EXOC6B: variants seen among roughly 807,000 people sequenced by gnomAD.
The protein encoded by EXOC6B is exocyst complex component 6B, also known as SEC15 homolog B.
EXOC6B carries 54 observed loss-of-function variants against 113.5 expected under a neutral mutation model. That is an observed-to-expected ratio of 0.48 (90% CI 0.38 to 0.60). The LOEUF (loss-of-function observed/expected upper bound fraction) is 0.60. Ranked by LOEUF, EXOC6B falls within the 20% of genes least tolerant of loss-of-function variation. The pLI is 0.00. For synonymous variants in EXOC6B, 357 were observed against 339.0 expected (o/e 1.05, Z -0.58); for missense variants, 797 against 977.5 (o/e 0.82, Z 2.46).
intron 16 of EXOC6B, among the ~76,000 whole-genome samples, chr2:72,484,801 T>C (rs1254529196): frequency 6.6e-6 from 1 of 152,180 alleles, no homozygotes; most frequent in Non-Finnish European, 1.5e-5. Flanking sequence ...TATGGCTGCA[T>C]AGTATTCCAT....
At chr2:72,202,387 T>C (rs1019942995) in intron 20 of EXOC6B, among the ~76,000 whole-genome samples, 2 of 152,236 alleles carry the variant, frequency 1.3e-5, no homozygotes, top group Non-Finnish European at 2.9e-5. Flanking sequence ...TGACTTTTGC[T>C]TCAATGTAAT....
intron 6 of EXOC6B, among the ~76,000 whole-genome samples, chr2:72,657,114 G>T (rs542673964): frequency 6.6e-6 from 1 of 152,022 alleles, no homozygotes; most frequent in East Asian, 1.9e-4. Context: ...GCCTCCCAAA[G>T]TGCTGGGATT....
At chr2:72,317,615 A>G (rs1421575986) in intron 20 of EXOC6B, among the ~76,000 whole-genome samples, 1 of 151,654 alleles carries the variant, frequency 6.6e-6, no homozygotes, top group Admixed American at 6.6e-5. Context: ...TTGACAAATG[A>G]TAAGAATGAT....
chr2:72,300,579 A>C (rs1686449187), intron 20 of EXOC6B, among the ~76,000 whole-genome samples: 1 of 152,106 alleles, frequency 6.6e-6, no homozygotes, highest in Admixed American at 6.5e-5. Context: ...TGGAAAAAAA[A>C]CTTCTGCAGC....
chr2:72,817,683 C>T (rs1314707769), intron 1 of EXOC6B, among the ~76,000 whole-genome samples: 2 of 152,180 alleles, frequency 1.3e-5, no homozygotes, highest in Non-Finnish European at 1.5e-5. Flanking sequence ...CTTTATTGTT[C>T]CCTATCCCAA....
chr2:72,502,604 CA>C (rs1700384536), intron 11 of EXOC6B, among the ~76,000 whole-genome samples: 1 of 152,118 alleles, frequency 6.6e-6, no homozygotes, highest in Non-Finnish European at 1.5e-5. Context: ...TGAATCCTCA[CA>C]TATTTAAAAA....
chr2:72,764,396 G>T (rs1209160986), intron 1 of EXOC6B, among the ~76,000 whole-genome samples: 4 of 103,704 alleles, frequency 3.9e-5, no homozygotes, highest in Admixed American at 2.9e-4. Context: ...TTTTGAGACA[G>T]AGTCTCACTC....
chr2:72,779,165 C>T (rs969803568), intron 1 of EXOC6B, among the ~76,000 whole-genome samples: 1 of 152,128 alleles, frequency 6.6e-6, no homozygotes, highest in African/African-American at 2.4e-5. Flanking sequence ...TATAAAGAAA[C>T]TGAATCACAG....
Position 72,653,348 on chromosome 2 carries a change from T to C in EXOC6B, c.669+64755A>G, listed in dbSNP as rs373049313. ...GCATATTCTCACTCATAGGTGGGAATTGAACAATGAGAACACATGGACACA... is the reference window on the plus strand; with the variant it reads ...GCATATTCTCACTCATAGGTGGGAACTGAACAATGAGAACACATGGACACA... On this transcript the variant is annotated intron_variant, in intron 6 of 21. Transcript: ENST00000272427. Among the ~76,000 whole-genome samples the C allele has an allele frequency of 1.2e-4, 16 of 131,198 alleles. No homozygotes were observed. In the East Asian group the frequency reaches 2.5e-3, roughly 21 times the overall value. 86.1% of individuals were successfully genotyped at this position (131,198 alleles called of 152,430 possible).
chr2:72,446,632 T>C (rs915121595), intron 18 of EXOC6B, among the ~76,000 whole-genome samples: 9 of 149,796 alleles, frequency 6.0e-5, no homozygotes, highest in African/African-American at 2.2e-4. Context: ...GTGGGGAGAG[T>C]GGGAAGAAGG....
intron 1 of EXOC6B, among the ~76,000 whole-genome samples, chr2:72,775,090 C>T (rs1236948228): frequency 1.3e-5 from 2 of 152,114 alleles, no homozygotes; most frequent in Non-Finnish European, 2.9e-5. Context: ...AGACATGCCA[C>T]CTTCCCAGCA....
chr2:72,731,786 T>G (rs1205588039), intron 3 of EXOC6B, among the ~76,000 whole-genome samples: 5 of 152,214 alleles, frequency 3.3e-5, no homozygotes, highest in Non-Finnish European at 7.3e-5. Flanking sequence ...ATTATCTGCT[T>G]AGATACCATG....
At chr2:72,379,603 T>G (rs1246359668) in intron 19 of EXOC6B, 126 bp downstream of exon 19, 2 of 864,680 alleles carry the variant, frequency 2.3e-6, no homozygotes, top group African/African-American at 3.4e-5. Context: ...ATAAGTTATC[T>G]CTGTTATCTA....
chr2:72,216,894 C>T (rs1002126381), intron 20 of EXOC6B, among the ~76,000 whole-genome samples: 5 of 151,814 alleles, frequency 3.3e-5, no homozygotes, highest in African/African-American at 7.3e-5. Context: ...CACACCGGGG[C>T]CTGTTGGGGC....
intron 20 of EXOC6B, among the ~76,000 whole-genome samples, chr2:72,313,906 T>C (rs1687355208): frequency 6.6e-6 from 1 of 152,162 alleles, no homozygotes; most frequent in African/African-American, 2.4e-5. Flanking sequence ...ATGTGCTACT[T>C]GAGAACAGTG....
chr2:72,403,536 A>G (rs1466541619), intron 18 of EXOC6B, among the ~76,000 whole-genome samples: 1 of 152,024 alleles, frequency 6.6e-6, no homozygotes, highest in Non-Finnish European at 1.5e-5. Flanking sequence ...AAATAAAAAT[A>G]AAAAATAAAA....
At chr2:72,796,121 C>G (rs1372089629) in intron 1 of EXOC6B, among the ~76,000 whole-genome samples, 1 of 151,076 alleles carries the variant, frequency 6.6e-6, no homozygotes, top group East Asian at 2.0e-4. Flanking sequence ...CCAAGCCCAG[C>G]CTTCAGGTAT....
Position 72,176,292 on chromosome 2 carries a change from GA to G in EXOC6B, c.*3042del, listed in dbSNP as rs1677731383. 5 of 151,248 alleles carry G rather than the reference GA, an allele frequency of 3.3e-5. No individual in the cohort carries two copies. Among genetic ancestry groups the G allele is most frequent in the Admixed American group, 2.0e-4 (3 of 15,184 alleles). The allele number at this position is 151,248 out of a possible 1,614,324, so 9.4% of individuals were successfully genotyped here. On this transcript the variant is annotated 3_prime_UTR_variant, in exon 22 of 22. Transcript: ENST00000272427. ...AAAAAACAAAAAGGAAGAAGAAGAAGAAGAAGAAGAGGCAATTGCAGTCAAG... is the reference window on the plus strand; with the variant it reads ...AAAAAACAAAAAGGAAGAAGAAGAAGAGAAGAAGAGGCAATTGCAGTCAAG...
At chr2:72,769,583 G>A (rs1328899029) in intron 1 of EXOC6B, among the ~76,000 whole-genome samples, 4 of 152,156 alleles carry the variant, frequency 2.6e-5, no homozygotes, top group African/African-American at 7.2e-5. Context: ...AGGCCAAGGC[G>A]GGCAGATCAC....
Sources: gnomAD v4.1 joint callset for allele counts (sites outside exome capture counted in the v4.1 genomes callset) on GRCh38, gnomAD v4.1.1 for gene constraint, MANE v1.5 for transcripts, NCBI Gene and HGNC (gene_info 2026-07-23, HGNC 2026-07-21) for gene names.